The following PALLD variants were observed in gnomAD, a reference collection of about 807,000 sequenced individuals.
PALLD encodes the protein palladin, cytoskeletal associated protein, also known as palladin.
PALLD carries 61 observed loss-of-function variants against 123.5 expected under a neutral mutation model. That is an observed-to-expected ratio of 0.49 (90% confidence interval 0.40 to 0.61). The LOEUF (loss-of-function observed/expected upper bound fraction) is 0.61. PALLD is among the 20% of genes least tolerant of loss of function. The probability of loss-of-function intolerance (pLI) is 0.00; values close to 1 mark genes in which losing one functional copy is unlikely to be tolerated. For synonymous variants in PALLD, 465 were observed against 496.4 expected, an observed-to-expected ratio of 0.94 and a Z score of 0.84; for missense variants, 1,273 against 1,377.0, an observed-to-expected ratio of 0.92 and a Z score of 1.20.
At chr4:168,562,770 T>C (rs1767991146) in intron 2 of PALLD, among the ~76,000 whole-genome samples, 1 of 152,042 alleles carries the variant, frequency 6.6e-6, no homozygotes, top group Non-Finnish European at 1.5e-5. Context: ...AATGGAGCCG[T>C]GTGGGGACTC....
intron 10 of PALLD, among the ~76,000 whole-genome samples, chr4:168,813,548 C>T (rs958746933): frequency 7.2e-5 from 11 of 152,154 alleles, no homozygotes; most frequent in African/African-American, 2.4e-4. Flanking sequence ...GCCTCAAACT[C>T]CTGGACTCAA....
chr4:168,677,595 T>C (rs1399604184), intron 3 of PALLD, among the ~76,000 whole-genome samples: 1 of 152,122 alleles, frequency 6.6e-6, no homozygotes, highest in East Asian at 1.9e-4. Flanking sequence ...TGAGAGTGTG[T>C]GTGATAACTT....
intron 1 of PALLD, among the ~76,000 whole-genome samples, chr4:168,503,484 TA>T (rs747245282): frequency 6.6e-6 from 1 of 151,708 alleles, no homozygotes; most frequent in Admixed American, 6.6e-5. Context: ...CTGTCTCTAC[TA>T]AAAATACAAA....
chr4:168,739,168 G>A (rs576744612), intron 10 of PALLD, among the ~76,000 whole-genome samples: 1 of 152,044 alleles, frequency 6.6e-6, no homozygotes, highest in African/African-American at 2.4e-5. Flanking sequence ...TTTATCTATT[G>A]GTCCATTGAT....
intron 10 of PALLD, among the ~76,000 whole-genome samples, chr4:168,816,531 G>A (rs866904412): frequency 6.6e-6 from 1 of 151,674 alleles, no homozygotes; most frequent in Non-Finnish European, 1.5e-5. Flanking sequence ...AAAACACTGA[G>A]GAATAAAGTA....
chr4:168,639,054 C>T (rs572677734), intron 2 of PALLD, among the ~76,000 whole-genome samples: 12 of 152,292 alleles, frequency 7.9e-5, no homozygotes, highest in African/African-American at 2.4e-4. Flanking sequence ...CCCAGTTTTC[C>T]CAGCCCATGA....
intron 2 of PALLD, among the ~76,000 whole-genome samples, chr4:168,667,803 CATA>C (rs1348882573): frequency 1.3e-5 from 2 of 152,024 alleles, no homozygotes; most frequent in African/African-American, 4.8e-5. Flanking sequence ...ATATTTTGAG[CATA>C]ATGTTTATAT....
At chr4:168,523,007 G>A (rs1008006724) in intron 2 of PALLD, among the ~76,000 whole-genome samples, 1 of 152,138 alleles carries the variant, frequency 6.6e-6, no homozygotes, top group Non-Finnish European at 1.5e-5. Context: ...TTAGGCCACA[G>A]AAACAAGCTT....
chr4:168,849,099 G>T (rs1409879724), intron 10 of PALLD, among the ~76,000 whole-genome samples: 1 of 152,212 alleles, frequency 6.6e-6, no homozygotes, highest in Non-Finnish European at 1.5e-5. Context: ...ACATAAATTA[G>T]TCTTAGTATA....
intron 10 of PALLD, among the ~76,000 whole-genome samples, chr4:168,784,833 T>C (rs1736454102): frequency 1.3e-5 from 2 of 152,096 alleles, no homozygotes; most frequent in Admixed American, 6.5e-5. Context: ...TTTTCCCATC[T>C]TGAGCAGACT....
At chr4:168,668,581 G>A (rs1455962819) in intron 3 of PALLD, among the ~76,000 whole-genome samples, 1 of 152,170 alleles carries the variant, frequency 6.6e-6, no homozygotes. Context: ...TCCTTTTAAT[G>A]TAGAATGTTT....
intron 10 of PALLD, among the ~76,000 whole-genome samples, chr4:168,717,614 G>C (rs546588420): frequency 1.3e-5 from 2 of 152,308 alleles, no homozygotes; most frequent in African/African-American, 4.8e-5. Context: ...GCCTCCCAAA[G>C]TGCTGGGATA....
chr4:168,652,350 CT>C (rs1281129740), intron 2 of PALLD, among the ~76,000 whole-genome samples: 2 of 152,166 alleles, frequency 1.3e-5, no homozygotes, highest in Non-Finnish European at 2.9e-5. Flanking sequence ...GAAACTGATT[CT>C]TTGGTTAAAT....
intron 2 of PALLD, among the ~76,000 whole-genome samples, chr4:168,547,945 C>CAA (rs33961230): frequency 2.3e-4 from 19 of 81,114 alleles, no homozygotes; most frequent in Non-Finnish European, 3.1e-4. Context: ...GACTCCGTCT[C>CAA]AAAAAAAAAA....
intron 18 of PALLD, among the ~76,000 whole-genome samples, chr4:168,922,102 T>TACACACACACAC (rs35503011): frequency 7.5e-6 from 1 of 132,604 alleles, no homozygotes; most frequent in Admixed American, 7.5e-5. Flanking sequence ...TATATATATA[T>TACACACACACAC]ACACACACAC....
intron 2 of PALLD, among the ~76,000 whole-genome samples, chr4:168,607,268 TG>T (rs1038585122): frequency 6.6e-6 from 1 of 152,236 alleles, no homozygotes. Context: ...TCATATTCTT[TG>T]GAGCATCTGC....
At chr4:168,842,600 C>T (rs931190500) in intron 10 of PALLD, among the ~76,000 whole-genome samples, 10 of 152,232 alleles carry the variant, frequency 6.6e-5, no homozygotes, top group Non-Finnish European at 1.3e-4. Flanking sequence ...CCATCCACAG[C>T]CAGCTGCCTT....
At chr4:168,657,268 C>G (rs1233434108) in intron 2 of PALLD, among the ~76,000 whole-genome samples, 1 of 152,220 alleles carries the variant, frequency 6.6e-6, no homozygotes, top group Non-Finnish European at 1.5e-5. Flanking sequence ...GTTTAACTTT[C>G]TGACAGATGT....
intron 2 of PALLD, among the ~76,000 whole-genome samples, chr4:168,649,953 C>A (rs891184710): frequency 6.6e-6 from 1 of 152,032 alleles, no homozygotes; most frequent in Non-Finnish European, 1.5e-5. Flanking sequence ...CTGAGGCGGG[C>A]ACCTGAGGTC....
Sources: gnomAD v4.1 joint callset for allele counts (sites outside exome capture counted in the v4.1 genomes callset) on GRCh38, gnomAD v4.1.1 for gene constraint, MANE v1.5 for transcripts, NCBI Gene and HGNC (gene_info 2026-07-23, HGNC 2026-07-21) for gene names.